OSBPL1A: variants seen among roughly 807,000 people sequenced by gnomAD.
The protein encoded by OSBPL1A is oxysterol binding protein like 1A.
Under a neutral mutation model 137.1 loss-of-function variants are expected in OSBPL1A, and 80 were observed. That is an observed-to-expected ratio of 0.58 (90% confidence interval 0.49 to 0.70). The LOEUF is 0.70. OSBPL1A is among the 30% of genes least tolerant of loss of function. The pLI is 0.00. For synonymous variants in OSBPL1A, 365 were observed against 389.7 expected (o/e 0.94, Z 0.75); for missense variants, 970 against 1,129.4 (o/e 0.86, Z 2.02).
chr18:24,375,666 C>G (rs991255610), intron 2 of OSBPL1A, among the ~76,000 whole-genome samples: 1 of 152,178 alleles, frequency 6.6e-6, no homozygotes, highest in Admixed American at 6.5e-5. Flanking sequence ...ACCTGCACTT[C>G]CAGATCCTGG....
intron 7 of OSBPL1A, among the ~76,000 whole-genome samples, chr18:24,331,627 ACCTCGTGATCCGCCCGCCTCGGCCTCCC>A (rs2091080118): frequency 6.7e-6 from 1 of 150,126 alleles, no homozygotes; most frequent in African/African-American, 2.5e-5. Context: ...CGATCTCCTG[ACCTCGTGATCCGCCCGCCTCGGCCTCCC>A]AAAGTGCTGG....
At chr18:24,243,387 C>T (rs1053086266) in intron 15 of OSBPL1A, among the ~76,000 whole-genome samples, 1 of 152,294 alleles carries the variant, frequency 6.6e-6, no homozygotes, top group South Asian at 2.1e-4. Flanking sequence ...CCATCTCTTT[C>T]CCCTTTTTAG....
At chr18:24,345,119 A>G (rs2091324280) in intron 4 of OSBPL1A, among the ~76,000 whole-genome samples, 1 of 151,928 alleles carries the variant, frequency 6.6e-6, no homozygotes, top group Non-Finnish European at 1.5e-5. Flanking sequence ...CACCCAGCTG[A>G]GAAGAATGTT....
rs887424971 is a variant in OSBPL1A at position 24,171,589 on chromosome 18, CT to C, written c.2202-92del. The C allele has an allele frequency of 4.1e-6, 4 of 982,816 alleles. No homozygotes were observed. In the African/African-American group the frequency reaches 6.5e-5, roughly 16 times the overall value. 60.9% of individuals were successfully genotyped at this position (982,816 alleles called of 1,614,324 possible). Reference sequence around the variant, plus strand: ...GTGATCACTTTTCTAGCAGCAGCTACTGTTTATGGATTTTCTCTGTGTGCCA... The same window carrying C: ...GTGATCACTTTTCTAGCAGCAGCTACGTTTATGGATTTTCTCTGTGTGCCA... On this transcript the variant is annotated intron_variant, in intron 22 of 27. Transcript: ENST00000319481.
intron 17 of OSBPL1A, among the ~76,000 whole-genome samples, chr18:24,218,066 A>T (rs2087763856): frequency 6.6e-6 from 1 of 152,202 alleles, no homozygotes; most frequent in Non-Finnish European, 1.5e-5. Flanking sequence ...GACTTAAGAG[A>T]CATAGAAACC....
chr18:24,203,712 A>G (rs56685665), intron 17 of OSBPL1A, among the ~76,000 whole-genome samples: 2,424 of 152,226 alleles, frequency 0.016, 72 homozygotes, highest in East Asian at 0.14. Context: ...GTGCTTTTCC[A>G]CATGTTCCCA....
rs548582230 is a variant in OSBPL1A at position 24,246,342 on chromosome 18, G to A, written c.1282-6960C>T. 2.6e-5 allele frequency among the ~76,000 whole-genome samples: 4 copies of A among 152,238 alleles called. No homozygotes were observed. The South Asian group carries it at 8.3e-4, about 32-fold the overall frequency. On this transcript the variant is annotated intron_variant, in intron 15 of 27. Transcript: ENST00000319481. ...TGAAATGAGTAAGGGATGTGCACAG[G>A]GCTTGCAAACCACAGCTGAAACTCT...
At chr18:24,354,274 C>T in intron 4 of OSBPL1A, among the ~76,000 whole-genome samples, 1 of 152,060 alleles carries the variant, frequency 6.6e-6, no homozygotes, top group Non-Finnish European at 1.5e-5. Flanking sequence ...ACAGAGAACC[C>T]CCAGCTCACA....
intron 18 of OSBPL1A, among the ~76,000 whole-genome samples, chr18:24,190,523 C>T (rs1015801006): frequency 1.3e-5 from 2 of 152,144 alleles, no homozygotes; most frequent in African/African-American, 4.8e-5. Flanking sequence ...TACATTAGGG[C>T]TCCTTGACGT....
intron 6 of OSBPL1A, 113 bp from the exon 7 acceptor site, chr18:24,333,199 T>A: frequency 8.4e-7 from 1 of 1,190,344 alleles, no homozygotes; most frequent in Non-Finnish European, 1.2e-6. Flanking sequence ...CTCCTTGGCA[T>A]CCAGGCTGTT....
intron 1 of OSBPL1A, among the ~76,000 whole-genome samples, chr18:24,393,432 TTTTATTTTTATTTA>T (rs1416866363): frequency 1.3e-4 from 20 of 152,144 alleles, no homozygotes; most frequent in African/African-American, 4.6e-4. Context: ...ATGCAACGTA[TTTTATTTTTATTTA>T]TTTATTTTTA....
rs994829932 is a variant in OSBPL1A at position 24,271,716 on chromosome 18, C to T, written c.1281+9126G>A. ...CGCTCGGCCTGCTCCTCCTCCTCCC[C>T]TCCAGTCGAGCCGAGGCGAGCCGAT... On this transcript the variant is annotated intron_variant, in intron 15 of 27. Transcript: ENST00000319481. This position sits in a 1 kb window ranked among gnomAD's most constrained non-coding sequence, Gnocchi z 4.0. 2 of 985,474 alleles carry T rather than the reference C, an allele frequency of 2.0e-6. No homozygotes were observed. Among genetic ancestry groups the T allele is most frequent in the African/African-American group, 3.5e-5 (2 of 57,230 alleles). The allele number at this position is 985,474 out of a possible 1,614,324, so 61.0% of individuals were successfully genotyped here. A position where few individuals can be genotyped will look rare whatever the true frequency, so the allele number is the denominator to read the frequency against.
chr18:24,267,527 A>G (rs956806297), intron 15 of OSBPL1A, among the ~76,000 whole-genome samples: 1 of 152,184 alleles, frequency 6.6e-6, no homozygotes, highest in Non-Finnish European at 1.5e-5. Flanking sequence ...TAAAATAGAT[A>G]CTAAAATCCA....
intron 13 of OSBPL1A, chr18:24,311,544 A>G (rs774773662): frequency 6.2e-6 from 6 of 975,268 alleles, no homozygotes; most frequent in Non-Finnish European, 7.3e-6. Flanking sequence ...TCTCTTAGCA[A>G]CCAAGCTACA....
At chr18:24,248,534 T>A (rs2088975322) in intron 15 of OSBPL1A, among the ~76,000 whole-genome samples, 1 of 152,190 alleles carries the variant, frequency 6.6e-6, no homozygotes, top group South Asian at 2.1e-4. Context: ...CTCAAGCTCC[T>A]CCATGGGAAA....
intron 2 of OSBPL1A, among the ~76,000 whole-genome samples, chr18:24,372,482 G>A (rs1905733572): frequency 6.6e-6 from 1 of 152,034 alleles, no homozygotes; most frequent in African/African-American, 2.4e-5. Flanking sequence ...ACACACACTC[G>A]CAGGAACCAC....
intron 2 of OSBPL1A, among the ~76,000 whole-genome samples, chr18:24,371,775 A>G (rs1905658940): frequency 1.3e-5 from 2 of 152,038 alleles, no homozygotes; most frequent in Admixed American, 1.3e-4. Context: ...GGTCATGAAC[A>G]CTATCTTCAA....
chr18:24,274,090 A>G (rs541134421), intron 15 of OSBPL1A, among the ~76,000 whole-genome samples: 31 of 151,840 alleles, frequency 2.0e-4, no homozygotes, highest in Admixed American at 1.0e-3. Context: ...AAAAATTAGC[A>G]GGGTATGGTG....
At chr18:24,316,105 C>A (rs1343943880) in intron 11 of OSBPL1A, among the ~76,000 whole-genome samples, 1 of 150,970 alleles carries the variant, frequency 6.6e-6, no homozygotes, top group Non-Finnish European at 1.5e-5. Flanking sequence ...TACCAAAAAA[C>A]ACAAAAATTA....
Sources: allele counts gnomAD v4.1 joint callset (sites outside exome capture counted in the v4.1 genomes callset), GRCh38; gene constraint gnomAD v4.1.1; non-coding constraint Gnocchi (gnomAD v3.1); transcripts MANE v1.5; gene names NCBI Gene and HGNC (gene_info 2026-07-23, HGNC 2026-07-21).